Variants in TTLL5 observed in about 807,000 individuals in gnomAD.
TTLL5 encodes the protein tubulin tyrosine ligase like 5.
Under a neutral mutation model 168.4 loss-of-function variants are expected in TTLL5, and 132 were observed. The observed-to-expected ratio is 0.78, with a 90% CI of 0.68 to 0.91. The LOEUF (loss-of-function observed/expected upper bound fraction) is 0.91, where lower values mean the gene tolerates loss of function less well. Among genes scored for constraint, TTLL5 ranks in the 40% least tolerant of loss-of-function variants. The pLI is 0.00. For missense variants in TTLL5, 1,545 were observed against 1,581.5 expected, an observed-to-expected ratio of 0.98 and a Z score of 0.39; for synonymous variants, 546 against 558.6, an observed-to-expected ratio of 0.98 and a Z score of 0.32.
chr14:75,812,559 T>G (rs1894115123), intron 27 of TTLL5, among the ~76,000 whole-genome samples: 1 of 152,244 alleles, frequency 6.6e-6, no homozygotes, highest in African/African-American at 2.4e-5. Flanking sequence ...TTTTAATGTT[T>G]GAGCATCTGA....
chr14:75,732,080 G>T, intron 12 of TTLL5: 1 of 255,556 alleles, frequency 3.9e-6, no homozygotes, highest in Non-Finnish European at 7.4e-6. Context: ...CGCTTTCTAT[G>T]TAGGATTTAG....
chr14:75,747,084 C>T (rs532721396), intron 17 of TTLL5, among the ~76,000 whole-genome samples: 1 of 152,110 alleles, frequency 6.6e-6, no homozygotes, highest in East Asian at 1.9e-4. Context: ...TTATATTTTA[C>T]CACAAATCTG....
intron 7 of TTLL5, among the ~76,000 whole-genome samples, chr14:75,699,985 T>C (rs1441694305): frequency 6.6e-6 from 1 of 152,254 alleles, no homozygotes; most frequent in African/African-American, 2.4e-5. Context: ...ATTTACATCA[T>C]GTCCCACCCT....
intron 6 of TTLL5, among the ~76,000 whole-genome samples, chr14:75,690,626 A>AT (rs55821177): frequency 0.61 from 90,138 of 146,980 alleles, 31,063 homozygotes; most frequent in Non-Finnish European, 0.78. Context: ...TGTAAGTATT[A>AT]TTTTTTTTTT....
Position 75,783,181 on chromosome 14 carries a change from A to C in TTLL5, c.2637A>C (p.Leu879Phe), listed in dbSNP as rs146036604. 8,151 of 1,612,776 alleles carry C rather than the reference A, an allele frequency of 5.1e-3. 25 individuals carry two copies. The highest frequency in any genetic ancestry group is 0.015 in the East Asian group (672 of 44,892). Reference protein sequence around the residue: ...FTTSAEKEAKLVYSNSSSGPT... With the variant: ...FTTSAEKEAKFVYSNSSSGPT... ...CTTCAGCAGAAAAAGAGGCAAAATT[A>C]GTTTATAGCAATTCCTCCTCTGGTC... The change falls in exon 26 of 32, where the codon TTA becomes TTC. Residue 879 changes from leucine (L) to phenylalanine (F), a missense_variant. Transcript: ENST00000298832.
At chr14:75,818,866 T>A (rs561441881) in intron 27 of TTLL5, among the ~76,000 whole-genome samples, 2 of 152,320 alleles carry the variant, frequency 1.3e-5, no homozygotes, top group East Asian at 3.9e-4. Flanking sequence ...TTTAACAATA[T>A]TGTTAGCCAT....
At chr14:75,768,478 C>A (rs1415961857) in intron 20 of TTLL5, among the ~76,000 whole-genome samples, 1 of 151,532 alleles carries the variant, frequency 6.6e-6, no homozygotes, top group Admixed American at 6.6e-5. Context: ...AGACAGCCAG[C>A]TAAAAGAAAC....
chr14:75,902,144 G>T lies in TTLL5; in HGVS notation c.3743G>T (p.Gly1248Val), dbSNP rs1435615339. The T allele has an allele frequency of 8.1e-6, 13 of 1,613,980 alleles. No individual in the cohort carries two copies. Among genetic ancestry groups the T allele is most frequent in the Non-Finnish European group, 1.1e-5 (13 of 1,180,006 alleles). Residue 1248 changes from glycine to valine, a missense_variant and splice_region_variant, in exon 31 of 32, where the codon GGG (glycine) becomes GTG (valine). Gly to Val is a moderately radical substitution (Grantham distance 109, BLOSUM62 -3). Coordinates refer to ENST00000298832, the MANE Select transcript of TTLL5 (RefSeq NM_015072.5). Reference sequence around the variant, plus strand: ...GACCAAGCTCCTTTGTGTTTCAGAGGGTCCTCCGCGGAAGGGCAGCTGAAT... The same window carrying T: ...GACCAAGCTCCTTTGTGTTTCAGAGTGTCCTCCGCGGAAGGGCAGCTGAAT... ...RRATSQKASK[G>V]SSAEGQLNGL...
At position 75,906,983 on chromosome 14, in the gene TTLL5, C is replaced by G. The variant is rs182439946; in HGVS notation, c.3823+4759C>G. Among the ~76,000 whole-genome samples the G allele has an allele frequency of 1.7e-3, 258 of 152,222 alleles. 3 individuals carry two copies. The highest frequency in any genetic ancestry group is 3.7e-4 in the Non-Finnish European group (25 of 68,016). Reference sequence around the variant, plus strand: ...ACAATTCAAATAAAGAAACTAAAACCATAATTGAGTTATCACAAAGTATAA... The same window carrying G: ...ACAATTCAAATAAAGAAACTAAAACGATAATTGAGTTATCACAAAGTATAA... On this transcript the variant is annotated intron_variant, in intron 31 of 31. Coordinates refer to ENST00000298832, the MANE Select transcript of TTLL5 (RefSeq NM_015072.5).
intron 2 of TTLL5, among the ~76,000 whole-genome samples, chr14:75,666,940 C>T (rs1415266239): frequency 6.6e-6 from 1 of 152,104 alleles, no homozygotes; most frequent in Non-Finnish European, 1.5e-5. Flanking sequence ...TTAATATGTA[C>T]CAGTTTCTGA....
chr14:75,719,905 C>G (rs140763291), intron 11 of TTLL5, 79 bp downstream of exon 11: 1 of 1,447,552 alleles, frequency 6.9e-7, no homozygotes, highest in African/African-American at 1.4e-5. Context: ...GAATCATTCT[C>G]TGTTGCTTTG....
chr14:75,869,543 ATT>A (rs1160415241), intron 29 of TTLL5, among the ~76,000 whole-genome samples: 2 of 152,098 alleles, frequency 1.3e-5, no homozygotes, highest in Non-Finnish European at 1.5e-5. Context: ...CAAAGTGGCC[ATT>A]TTTTTGTATT....
chr14:75,901,752 A>C (rs2032932012), intron 30 of TTLL5, among the ~76,000 whole-genome samples: 1 of 152,178 alleles, frequency 6.6e-6, no homozygotes, highest in African/African-American at 2.4e-5. Flanking sequence ...TGCTTTTTTA[A>C]AAATGTGTTT....
chr14:75,686,151 T>C (rs1885029921), intron 5 of TTLL5, among the ~76,000 whole-genome samples: 1 of 152,234 alleles, frequency 6.6e-6, no homozygotes, highest in Non-Finnish European at 1.5e-5. Context: ...TTTTAATGAT[T>C]ACCACAAAGG....
At chr14:75,690,812 A>C (rs906261418) in intron 6 of TTLL5, among the ~76,000 whole-genome samples, 2 of 151,834 alleles carry the variant, frequency 1.3e-5, no homozygotes, top group Non-Finnish European at 2.9e-5. Context: ...TAGAGATGGG[A>C]TCTCGCTCTG....
At chr14:75,902,676 C>A in intron 31 of TTLL5, 12 of 454,932 alleles carry the variant, frequency 2.6e-5, no homozygotes, top group South Asian at 1.9e-4. Flanking sequence ...GGTCTTTGAT[C>A]TACGTGTTGT....
intron 31 of TTLL5, among the ~76,000 whole-genome samples, chr14:75,938,126 T>C (rs1341968356): frequency 6.6e-6 from 1 of 152,244 alleles, no homozygotes; most frequent in Non-Finnish European, 1.5e-5. Flanking sequence ...CTAGTGCCAT[T>C]TATAAAATTA....
At chr14:75,714,015 C>T (rs574164450) in intron 9 of TTLL5, among the ~76,000 whole-genome samples, 6 of 151,654 alleles carry the variant, frequency 4.0e-5, no homozygotes, top group East Asian at 1.9e-4. Flanking sequence ...ATTTAGCCGT[C>T]GGGTCTCCGT....
At chr14:75,866,307 G>T (rs540504711) in intron 29 of TTLL5, among the ~76,000 whole-genome samples, 2 of 152,208 alleles carry the variant, frequency 1.3e-5, no homozygotes, top group South Asian at 4.2e-4. Flanking sequence ...CTGTATTTCT[G>T]TCCTGGGGTT....
Sources: allele counts gnomAD v4.1 joint callset (sites outside exome capture counted in the v4.1 genomes callset), GRCh38; gene constraint gnomAD v4.1.1; transcripts MANE v1.5; gene names NCBI Gene and HGNC (gene_info 2026-07-23, HGNC 2026-07-21).